Variants in ARID1A observed in about 807,000 individuals in gnomAD.
ARID1A encodes AT-rich interaction domain 1A.
In ARID1A, 20 loss-of-function variants were observed where a neutral mutation model predicts 212.6. That is an observed-to-expected ratio of 0.09 (90% CI 0.07 to 0.14). The LOEUF (loss-of-function observed/expected upper bound fraction) is 0.14. Among genes scored for constraint, ARID1A ranks in the 10% least tolerant of loss-of-function variants. ARID1A has a pLI of 1.00. For missense variants in ARID1A, 2,587 were observed against 3,059.0 expected (o/e 0.85, Z 3.64); for synonymous variants, 1,376 against 1,222.1 (o/e 1.13, Z -2.63).
Position 26,779,813 on chromosome 1 carries a change from A to G in ARID1A, c.5915A>G (p.Asp1972Gly), listed in dbSNP as rs2124144047. 6.2e-7 allele frequency: 1 copy of G among 1,614,084 alleles called. No homozygotes were observed. The highest frequency in any genetic ancestry group is 8.5e-7 in the Non-Finnish European group (1 of 1,180,012). Reference sequence around the variant, plus strand: ...GAGACCCCACTGTGTACCCTTCTGGACTGGCAGGATTCTCTTGCCAAGCGC... The same window carrying G: ...GAGACCCCACTGTGTACCCTTCTGGGCTGGCAGGATTCTCTTGCCAAGCGC... Reference protein sequence around the residue: ...KDETPLCTLLDWQDSLAKRCV... With the variant: ...KDETPLCTLLGWQDSLAKRCV... The change falls in exon 20 of 20, where the codon GAC becomes GGC. Residue 1972 changes from aspartate (D) to glycine (G), a missense_variant. By Grantham distance (94) the Asp-to-Gly change is moderately conservative (BLOSUM62 -1). Coordinates refer to ENST00000324856, the MANE Select transcript of ARID1A (RefSeq NM_006015.6).
In ARID1A at chr1:26,781,834, A is replaced by G; in HGVS notation, c.*1078A>G. 1 of 233,508 alleles carries G rather than the reference A, an allele frequency of 4.3e-6. No individual in the cohort carries two copies. Among genetic ancestry groups the G allele is most frequent in the East Asian group, 6.0e-5 (1 of 16,580 alleles). The allele number at this position is 233,508 out of a possible 1,614,324, so 14.5% of individuals were successfully genotyped here. A position where few individuals can be genotyped will look rare whatever the true frequency, so the allele number is the denominator to read the frequency against. On this transcript the variant is annotated 3_prime_UTR_variant, in exon 20 of 20. Transcript: ENST00000324856. The stretch of plus-strand genomic sequence containing the variant: ...TCAGCAGCCAATCAACTTATAGTTT[A>G]TTTTTTTCTGGGTTTTTGTTTTGTT...
rs774971536 is a variant in ARID1A at position 26,780,776 on chromosome 1, C to CG, written c.*20_*21insG. The CG allele has an allele frequency of 2.3e-5, 35 of 1,543,942 alleles. No homozygotes were observed. Among genetic ancestry groups the CG allele is most frequent in the Non-Finnish European group, 2.9e-5 (33 of 1,145,928 alleles). On this transcript the variant is annotated 3_prime_UTR_variant, in exon 20 of 20. Transcript: ENST00000324856. The surrounding 1 kb of genome is among the most constrained non-coding windows in gnomAD (Gnocchi z 7.2). ...TCATGACAGCCGTGGGACACCTCCC[C>CG]CCCCCGTGTGTGTGTGCGTGTGTGG...
At chr1:26,734,600 C>T (rs112452935) in intron 4 of ARID1A, among the ~76,000 whole-genome samples, 1 of 152,190 alleles carries the variant, frequency 6.6e-6, no homozygotes, top group Non-Finnish European at 1.5e-5. Flanking sequence ...GGGAGGTAAG[C>T]TGGCTGGGTT....
At chr1:26,703,239 T>C (rs2080347906) in intron 1 of ARID1A, among the ~76,000 whole-genome samples, 1 of 152,214 alleles carries the variant, frequency 6.6e-6, no homozygotes, top group African/African-American at 2.4e-5. Context: ...GTAGATACAG[T>C]CTTTGTTTTT....
chr1:26,749,168 AAAT>A lies in ARID1A; in HGVS notation c.1921-11672_1921-11670del, dbSNP rs367683968. Among the ~76,000 whole-genome samples the A allele has an allele frequency of 7.9e-5, 12 of 152,020 alleles. No individual in the cohort carries two copies. In the East Asian group the frequency reaches 1.9e-3, roughly 25 times the overall value. On this transcript the variant is annotated intron_variant, in intron 4 of 19. Transcript: ENST00000324856. ...TGACAGAGCGAGACTCCGTCTCAAAAAATAATAATAATAATAATTCTCTGGGGT... is the reference window on the plus strand; with the variant it reads ...TGACAGAGCGAGACTCCGTCTCAAAAAATAATAATAATAATTCTCTGGGGT...
At chr1:26,753,497 T>A (rs916362348) in intron 4 of ARID1A, among the ~76,000 whole-genome samples, 1 of 151,962 alleles carries the variant, frequency 6.6e-6, no homozygotes, top group Non-Finnish European at 1.5e-5. Context: ...CAGCCTGGAG[T>A]GTGAGATTCT....
intron 14 of ARID1A, 142 bp from the exon 15 acceptor site, chr1:26,773,204 G>T: frequency 7.6e-7 from 1 of 1,312,176 alleles, no homozygotes; most frequent in East Asian, 2.4e-5. Flanking sequence ...TCGCTGGTTG[G>T]GGCCTCTTTA....
At chr1:26,776,406 T>A (rs562403895) in intron 19 of ARID1A, among the ~76,000 whole-genome samples, 1 of 152,070 alleles carries the variant, frequency 6.6e-6, no homozygotes, top group South Asian at 2.1e-4. Flanking sequence ...CCCAAGTAGC[T>A]GGGACTACAG....
In ARID1A at chr1:26,719,530, A is replaced by G. The variant is rs544643553; in HGVS notation, c.1138-10121A>G. Among the ~76,000 whole-genome samples the G allele has an allele frequency of 7.9e-5, 12 of 152,322 alleles. No homozygotes were observed. In the South Asian group the frequency reaches 2.5e-3, roughly 32 times the overall value. ...ACATACTTATCGTTTGAACTGTCTC[A>G]TATTTTTGTTAAACAGTTTTTAATC... On this transcript the variant is annotated intron_variant, in intron 1 of 19. Transcript: ENST00000324856.
chr1:26,702,955 G>A (rs1267722634), intron 1 of ARID1A, among the ~76,000 whole-genome samples: 1 of 152,172 alleles, frequency 6.6e-6, no homozygotes, highest in East Asian at 1.9e-4. Flanking sequence ...GGGTAGCTTG[G>A]TGAGATTATT....
intron 1 of ARID1A, among the ~76,000 whole-genome samples, chr1:26,711,482 C>T (rs1002179202): frequency 6.6e-6 from 1 of 152,078 alleles, no homozygotes; most frequent in African/African-American, 2.4e-5. Context: ...CTTAATCTAA[C>T]CCTAATTACC....
At chr1:26,698,293 C>T (rs1200575927) in intron 1 of ARID1A, among the ~76,000 whole-genome samples, 1 of 152,204 alleles carries the variant, frequency 6.6e-6, no homozygotes, top group Non-Finnish European at 1.5e-5. Flanking sequence ...ATTGGCTCCC[C>T]ATCTCCTGCT....
chr1:26,699,104 A>G (rs2080307871), intron 1 of ARID1A, among the ~76,000 whole-genome samples: 1 of 152,144 alleles, frequency 6.6e-6, no homozygotes, highest in African/African-American at 2.4e-5. Context: ...CTGTTTTGTC[A>G]TCAGTCATTT....
Position 26,697,070 on chromosome 1 carries a change from C to G in ARID1A, c.667C>G (p.Pro223Ala). 6.7e-7 allele frequency: 1 copy of G among 1,502,592 alleles called. No individual in the cohort carries two copies. Among genetic ancestry groups the G allele is most frequent in the Non-Finnish European group, 8.8e-7 (1 of 1,130,568 alleles). The allele number at this position is 1,502,592 out of a possible 1,614,324, so 93.1% of individuals were successfully genotyped here. Residue 223 changes from proline (P) to alanine (A), a missense_variant, in exon 1 of 20, where the codon CCC becomes GCC. Pro to Ala is a conservative substitution (Grantham distance 27). Transcript: ENST00000324856. Reference sequence around the variant, plus strand: ...CTACTACCCCAACCGCAGCGCCTACCCCCCGCCCGCCCCGGCCTACGCGCT... The same window carrying G: ...CTACTACCCCAACCGCAGCGCCTACGCCCCGCCCGCCCCGGCCTACGCGCT... ...NSYYPNRSAY[P>A]PPAPAYALSS...
In ARID1A at chr1:26,773,431, G is replaced by C. The variant is rs2124111046; in HGVS notation, c.3801G>C (p.Gly1267=). 1 of 1,613,760 alleles carries C rather than the reference G, an allele frequency of 6.2e-7. No homozygotes were observed. The highest frequency in any genetic ancestry group is 8.5e-7 in the Non-Finnish European group (1 of 1,179,848). Residue 1267 remains glycine (G), a synonymous_variant, in exon 15 of 20, where the codon GGG becomes GGC. Transcript: ENST00000324856. ...GDPYSRAAGP[G]LGNVAMGPRQ... ...CCTACAGTCGTGCTGCCGGCCCTGGGCTAGGAAATGTGGCGATGGGACCAC... is the reference window on the plus strand; with the variant it reads ...CCTACAGTCGTGCTGCCGGCCCTGGCCTAGGAAATGTGGCGATGGGACCAC...
At chr1:26,768,728 A>C (rs2081059373) in intron 11 of ARID1A, among the ~76,000 whole-genome samples, 1 of 152,208 alleles carries the variant, frequency 6.6e-6, no homozygotes, top group African/African-American at 2.4e-5. Flanking sequence ...CTGATACCTT[A>C]CAATTTTGTA....
chr1:26,718,550 A>G (rs2080526747), intron 1 of ARID1A, among the ~76,000 whole-genome samples: 1 of 152,196 alleles, frequency 6.6e-6, no homozygotes, highest in Admixed American at 6.5e-5. Flanking sequence ...GGATACTGAA[A>G]TTTGTGGAAT....
chr1:26,709,414 C>G (rs890049057), intron 1 of ARID1A, among the ~76,000 whole-genome samples: 1 of 152,082 alleles, frequency 6.6e-6, no homozygotes, highest in African/African-American at 2.4e-5. Flanking sequence ...TGCTACCACC[C>G]TGCTCCAGCC....
chr1:26,745,653 C>T (rs2080829047), intron 4 of ARID1A, among the ~76,000 whole-genome samples: 1 of 152,142 alleles, frequency 6.6e-6, no homozygotes, highest in Admixed American at 6.5e-5. Flanking sequence ...TGTCCAGGGT[C>T]ATTCAGTAAA....
Sources: allele counts gnomAD v4.1 joint callset (sites outside exome capture counted in the v4.1 genomes callset), GRCh38; gene constraint gnomAD v4.1.1; non-coding constraint Gnocchi (gnomAD v3.1); transcripts MANE v1.5; gene names NCBI Gene and HGNC (gene_info 2026-07-23, HGNC 2026-07-21).